Variants in PITPNM3 observed in about 807,000 individuals in gnomAD.
PITPNM3 encodes the protein PITPNM family member 3.
Under a neutral mutation model 102.0 loss-of-function variants are expected in PITPNM3, and 26 were observed. The ratio of observed to expected loss-of-function variants is 0.25; its 90% CI spans 0.19 to 0.35. The LOEUF is 0.35. Ranked by LOEUF, PITPNM3 falls within the 10% of genes least tolerant of loss-of-function variation. PITPNM3 has a pLI of 1.00. For synonymous variants in PITPNM3, 578 were observed against 558.6 expected (o/e 1.03, Z -0.49); for missense variants, 1,083 against 1,346.1 (o/e 0.80, Z 3.06).
At chr17:6,550,420 G>A (rs12603170) in intron 1 of PITPNM3, among the ~76,000 whole-genome samples, 15,804 of 152,220 alleles carry the variant, frequency 0.1, 1,054 homozygotes, top group Non-Finnish European at 0.15. Context: ...CCCAGCATGC[G>A]AACTCCCGAT....
Position 6,468,490 on chromosome 17 carries a change from AC to A in PITPNM3, c.1774-150del, listed in dbSNP as rs1324964272. On this transcript the variant is annotated intron_variant, in intron 13 of 19. Coordinates refer to ENST00000262483, the MANE Select transcript of PITPNM3 (RefSeq NM_031220.4). The surrounding 1 kb of genome is among the most constrained non-coding windows in gnomAD (Gnocchi z 5.2). Reference sequence around the variant, plus strand: ...GCCTGGAACCGTCAGGAGGCCGCAGACCCCGGGACCTGCATTCCTGTCCTGA... The same window carrying A: ...GCCTGGAACCGTCAGGAGGCCGCAGACCCGGGACCTGCATTCCTGTCCTGA... 6.4e-6 allele frequency: 5 copies of A among 778,890 alleles called. No individual in the cohort carries two copies. The highest frequency in any genetic ancestry group is 1.1e-5 in the Non-Finnish European group (5 of 449,382). The allele number at this position is 778,890 out of a possible 1,614,324, so 48.2% of individuals were successfully genotyped here. A position where few individuals can be genotyped will look rare whatever the true frequency, so the allele number is the denominator to read the frequency against.
intron 2 of PITPNM3, among the ~76,000 whole-genome samples, chr17:6,527,506 A>G (rs1908901390): frequency 6.6e-6 from 1 of 152,140 alleles, no homozygotes; most frequent in African/African-American, 2.4e-5. Flanking sequence ...CACCAGTAGG[A>G]GCATGGGTGT....
At chr17:6,476,885 G>A in intron 9 of PITPNM3, 144 bp downstream of exon 9, 1 of 1,046,484 alleles carries the variant, frequency 9.6e-7, no homozygotes, top group Non-Finnish European at 1.4e-6. Context: ...CTCAGTACAG[G>A]GCCGATGGCG....
At chr17:6,529,301 T>A (rs537171100) in intron 2 of PITPNM3, among the ~76,000 whole-genome samples, 16 of 152,210 alleles carry the variant, frequency 1.1e-4, no homozygotes, top group Non-Finnish European at 1.6e-4. Context: ...GAGTAAAGAA[T>A]CTCTTTGTCT....
chr17:6,524,304 T>C (rs1304569661), intron 3 of PITPNM3, among the ~76,000 whole-genome samples: 3 of 151,842 alleles, frequency 2.0e-5, no homozygotes, highest in African/African-American at 7.3e-5. Flanking sequence ...GAAGAGAAGA[T>C]GAAGAAGAAA....
At chr17:6,487,117 A>C (rs1480629967) in intron 4 of PITPNM3, among the ~76,000 whole-genome samples, 1 of 152,052 alleles carries the variant, frequency 6.6e-6, no homozygotes, top group Non-Finnish European at 1.5e-5. Context: ...GTGAGTCAAG[A>C]AGAACCAGGA....
intron 3 of PITPNM3, among the ~76,000 whole-genome samples, chr17:6,520,596 A>T (rs1418827178): frequency 3.3e-5 from 5 of 152,240 alleles, no homozygotes; most frequent in African/African-American, 1.2e-4. Flanking sequence ...CTGTAATTGA[A>T]GGAATAACTA....
At position 6,483,569 on chromosome 17, in the gene PITPNM3, T is replaced by C; in HGVS notation, c.535A>G (p.Lys179Glu). 1.9e-6 allele frequency: 3 copies of C among 1,613,582 alleles called. 1 individual carries two copies. In the South Asian group the frequency reaches 3.3e-5, roughly 18 times the overall value. The change falls in exon 6 of 20, where the codon AAG becomes GAG. Residue 179 changes from lysine (K) to glutamate (E), a missense_variant. Lys to Glu is a moderately conservative substitution (Grantham distance 56). This residue lies in a region of PITPNM3 where 290 missense variants were observed against 337.8 expected (regional missense o/e 0.86). Coordinates refer to ENST00000262483, the MANE Select transcript of PITPNM3 (RefSeq NM_031220.4). ...FPAALGHILI[K>E]FVPCPAICSE... ...CAGATGGCAGGACAGGGGACGAACT[T>C]GATGAGGATGTGGCCCAGGGCAGCA...
At position 6,478,774 on chromosome 17, in the gene PITPNM3, C is replaced by CGGGCAGGT. The variant is rs781088719; in HGVS notation, c.588-46_588-39dup. 6.5e-7 allele frequency: 1 copy of CGGGCAGGT among 1,528,786 alleles called. No individual in the cohort carries two copies. The highest frequency in any genetic ancestry group is 1.2e-5 in the South Asian group (1 of 82,586). The allele number at this position is 1,528,786 out of a possible 1,614,324, so 94.7% of individuals were successfully genotyped here. A position where few individuals can be genotyped will look rare whatever the true frequency, so the allele number is the denominator to read the frequency against. Reference sequence around the variant, plus strand: ...GGCCCAAGGTGAGCCCAGCCAGGATCGGGCAGGTTGGCAGGTTTGGGGCTG... The same window carrying CGGGCAGGT: ...GGCCCAAGGTGAGCCCAGCCAGGATCGGGCAGGTGGGCAGGTTGGCAGGTTTGGGGCTG... On this transcript the variant is annotated intron_variant, in intron 6 of 19. Coordinates refer to ENST00000262483, the MANE Select transcript of PITPNM3 (RefSeq NM_031220.4). The surrounding 1 kb of genome is among the most constrained non-coding windows in gnomAD (Gnocchi z 4.4).
Position 6,487,866 on chromosome 17 carries a change from A to G in PITPNM3, c.275-3574T>C, listed in dbSNP as rs1597378679. Among the ~76,000 whole-genome samples, 7 of 152,306 alleles carry G rather than the reference A, an allele frequency of 4.6e-5. No individual in the cohort carries two copies. In the South Asian group the frequency reaches 1.4e-3, roughly 32 times the overall value. On this transcript the variant is annotated intron_variant, in intron 4 of 19. Coordinates refer to ENST00000262483, the MANE Select transcript of PITPNM3 (RefSeq NM_031220.4). ...CGTGGGGATGGGAGCCTCAGGCCAG[A>G]GACTGGGCAGGATTGTCCTCAGTAT...
chr17:6,527,463 G>A (rs532123535), intron 2 of PITPNM3, among the ~76,000 whole-genome samples: 5 of 152,318 alleles, frequency 3.3e-5, no homozygotes, highest in African/African-American at 7.2e-5. Context: ...AGATGCCATT[G>A]CATGATGGTA....
At position 6,496,057 on chromosome 17, in the gene PITPNM3, G is replaced by T. The variant is rs561492670; in HGVS notation, c.274+7470C>A. On this transcript the variant is annotated intron_variant, in intron 4 of 19. Transcript: ENST00000262483. ...CATCGTAAGGTGGTCTCTGCTGAAG[G>T]CTCATGCAGGAGCCTCTCTGGGCTC... Among the ~76,000 whole-genome samples, 38 of 152,276 alleles carry T rather than the reference G, an allele frequency of 2.5e-4. No individual in the cohort carries two copies. In the East Asian group the frequency reaches 6.8e-3, roughly 27 times the overall value.
chr17:6,555,762 T>C (rs936026044), intron 1 of PITPNM3, among the ~76,000 whole-genome samples: 1 of 152,124 alleles, frequency 6.6e-6, no homozygotes, highest in Non-Finnish European at 1.5e-5. Context: ...GGCTACACCG[T>C]CTGAGCCTGG....
chr17:6,531,342 G>A (rs1322418792), intron 2 of PITPNM3, among the ~76,000 whole-genome samples: 1 of 152,174 alleles, frequency 6.6e-6, no homozygotes, highest in African/African-American at 2.4e-5. Flanking sequence ...TCCTTTCAGG[G>A]ATGAAGACTT....
intron 4 of PITPNM3, among the ~76,000 whole-genome samples, chr17:6,486,604 G>A (rs553238051): frequency 3.3e-5 from 5 of 152,330 alleles, no homozygotes; most frequent in African/African-American, 1.2e-4. Flanking sequence ...TTTCCTAAAT[G>A]ATGGAGGAAG....
chr17:6,471,473 G>A (rs1001368232), intron 11 of PITPNM3, 118 bp from the exon 12 acceptor site: 18 of 1,035,562 alleles, frequency 1.7e-5, no homozygotes, highest in Non-Finnish European at 2.0e-5. Context: ...CCCCGGCTCT[G>A]CTCACTTGCC....
At chr17:6,542,102 T>G (rs1909761019) in intron 1 of PITPNM3, among the ~76,000 whole-genome samples, 2 of 152,200 alleles carry the variant, frequency 1.3e-5, no homozygotes, top group African/African-American at 2.4e-5. Context: ...ATAGCAACCC[T>G]TCTACCTGTT....
chr17:6,505,827 C>A (rs2150612212), intron 3 of PITPNM3, among the ~76,000 whole-genome samples: 1 of 152,336 alleles, frequency 6.6e-6, no homozygotes, highest in South Asian at 2.1e-4. Flanking sequence ...CACCTCTGTG[C>A]AGAGAAGCAC....
At chr17:6,529,549 G>A (rs554173272) in intron 2 of PITPNM3, among the ~76,000 whole-genome samples, 11 of 151,550 alleles carry the variant, frequency 7.3e-5, no homozygotes, top group African/African-American at 9.7e-5. Context: ...AGCTGAGATC[G>A]TGCTACTGCA....
Sources: gnomAD v4.1 joint callset for allele counts (sites outside exome capture counted in the v4.1 genomes callset) on GRCh38, gnomAD v4.1.1 for gene constraint, gnomAD v4.1.1 regional missense constraint, Gnocchi (gnomAD v3.1) non-coding constraint, MANE v1.5 for transcripts, NCBI Gene and HGNC (gene_info 2026-07-23, HGNC 2026-07-21) for gene names.